The following LRRC37A2 variants were observed in gnomAD, a reference collection of about 807,000 sequenced individuals.
LRRC37A2 encodes the protein leucine-rich repeat-containing protein 37A2.
In LRRC37A2, 9 loss-of-function variants were observed where a neutral mutation model predicts 68.8. That is an observed-to-expected ratio of 0.13 (90% confidence interval 0.08 to 0.23). LRRC37A2 has a LOEUF of 0.23. Ranked by LOEUF, LRRC37A2 falls within the 10% of genes least tolerant of loss-of-function variation. The pLI is 1.00. For missense variants in LRRC37A2, 168 were observed against 950.4 expected, an observed-to-expected ratio of 0.18 and a Z score of 10.82; for synonymous variants, 63 against 367.6, an observed-to-expected ratio of 0.17 and a Z score of 9.48.
chr17:46,610,029 C>CTTTT, the LRRC37A2 span, among the ~76,000 whole-genome samples: 1 of 88,984 alleles, frequency 1.1e-5, no homozygotes, highest in East Asian at 2.3e-4. Flanking sequence ...TTCTTTCTTT[C>CTTTT]TCTCTCTCTC....
the LRRC37A2 span, chr17:46,833,542 C>T: frequency 4.9e-6 from 2 of 410,388 alleles, no homozygotes; most frequent in East Asian, 1.4e-4. Flanking sequence ...CTGCTGGAGG[C>T]CGACCTGAGC....
At chr17:46,740,241 A>G in the LRRC37A2 span, among the ~76,000 whole-genome samples, 2 of 152,168 alleles carry the variant, frequency 1.3e-5, no homozygotes, top group African/African-American at 4.8e-5. Flanking sequence ...TAGTAAATTC[A>G]TGTTCTGGAA....
At chr17:46,943,836 G>A in the LRRC37A2 span, among the ~76,000 whole-genome samples, 20 of 152,252 alleles carry the variant, frequency 1.3e-4, no homozygotes, top group African/African-American at 4.6e-4. Context: ...TCAGGACTGG[G>A]GAGAGAGAAG....
the LRRC37A2 span, among the ~76,000 whole-genome samples, chr17:46,727,186 T>C: frequency 6.6e-6 from 1 of 152,168 alleles, no homozygotes; most frequent in African/African-American, 2.4e-5. Context: ...GTATAGTAAT[T>C]TTTAAAATAT....
the LRRC37A2 span, among the ~76,000 whole-genome samples, chr17:46,798,935 C>T: frequency 1.3e-5 from 2 of 151,204 alleles, no homozygotes; most frequent in Non-Finnish European, 2.9e-5. Context: ...GTAGTCCCAG[C>T]TACTTAGGAG....
chr17:46,816,094 A>G, the LRRC37A2 span, among the ~76,000 whole-genome samples: 1 of 107,726 alleles, frequency 9.3e-6, no homozygotes, highest in Non-Finnish European at 2.0e-5. Flanking sequence ...CACTGTCATG[A>G]AGGCATGCGC....
chr17:46,901,803 A>ATTTTT, the LRRC37A2 span, among the ~76,000 whole-genome samples: 1,960 of 128,122 alleles, frequency 0.015, 113 homozygotes, highest in African/African-American at 0.061. Context: ...TGGAGCAAGA[A>ATTTTT]TTTTTTTTTT....
chr17:46,806,136 GAGCTCCTTAC>G, the LRRC37A2 span, among the ~76,000 whole-genome samples: 1 of 151,838 alleles, frequency 6.6e-6, no homozygotes, highest in Non-Finnish European at 1.5e-5. Flanking sequence ...ACTTGCTTCC[GAGCTCCTTAC>G]AGCTCCTGGT....
chr17:46,980,976 A>G, the LRRC37A2 span, among the ~76,000 whole-genome samples: 2 of 152,216 alleles, frequency 1.3e-5, no homozygotes, highest in African/African-American at 2.4e-5. Context: ...TGTTATCATT[A>G]TTTTAAAAGT....
At chr17:46,902,522 T>C in the LRRC37A2 span, among the ~76,000 whole-genome samples, 1 of 151,586 alleles carries the variant, frequency 6.6e-6, no homozygotes, top group African/African-American at 2.4e-5. Flanking sequence ...CAAAATGCTA[T>C]GGCAGGAAGT....
chr17:46,494,983 C>T, the LRRC37A2 span, among the ~76,000 whole-genome samples: 1 of 150,356 alleles, frequency 6.7e-6, no homozygotes, highest in Non-Finnish European at 1.5e-5. Flanking sequence ...ACCTGCTTCC[C>T]AGCCCCCGGT....
the LRRC37A2 span, among the ~76,000 whole-genome samples, chr17:46,979,550 C>T: frequency 0.017 from 2,565 of 152,286 alleles, 30 homozygotes; most frequent in Middle Eastern, 0.061. Context: ...CCGGAATCTG[C>T]CCTGACTCTC....
At chr17:46,951,549 A>G in the LRRC37A2 span, among the ~76,000 whole-genome samples, 6 of 152,068 alleles carry the variant, frequency 3.9e-5, no homozygotes, top group South Asian at 1.0e-3. Context: ...CCATATAATC[A>G]CCTGCTAATT....
At chr17:46,767,682 G>C in the LRRC37A2 span, among the ~76,000 whole-genome samples, 1 of 152,220 alleles carries the variant, frequency 6.6e-6, no homozygotes, top group Admixed American at 6.5e-5. Flanking sequence ...ATGACAGCTA[G>C]CAGCTATGCA....
the LRRC37A2 span, among the ~76,000 whole-genome samples, chr17:46,575,421 C>T: frequency 6.6e-6 from 1 of 151,616 alleles, no homozygotes; most frequent in Non-Finnish European, 1.5e-5. Flanking sequence ...GCACTGGGAG[C>T]GTACTTGGTG....
chr17:46,707,336 C>G, the LRRC37A2 span, among the ~76,000 whole-genome samples: 1 of 152,154 alleles, frequency 6.6e-6, no homozygotes, highest in Non-Finnish European at 1.5e-5. Flanking sequence ...TTGATTGATA[C>G]AAGTTCTTTA....
the LRRC37A2 span, among the ~76,000 whole-genome samples, chr17:46,799,046 CAAAAA>C: frequency 1.1e-5 from 1 of 93,276 alleles, no homozygotes; most frequent in Non-Finnish European, 2.1e-5. Context: ...GACTCCGTCT[CAAAAA>C]AAAAAAAAAA....
the LRRC37A2 span, among the ~76,000 whole-genome samples, chr17:46,929,106 G>T: frequency 6.6e-6 from 1 of 152,112 alleles, no homozygotes; most frequent in Non-Finnish European, 1.5e-5. Context: ...ACTCTTCCTG[G>T]TACAGGCCAG....
At chr17:47,037,998 T>A in the LRRC37A2 span, among the ~76,000 whole-genome samples, 26 of 127,686 alleles carry the variant, frequency 2.0e-4, no homozygotes, top group African/African-American at 6.0e-4. Context: ...CATTTCTAAT[T>A]TTAATAATTT....
Sources: gnomAD v4.1 joint callset for allele counts (sites outside exome capture counted in the v4.1 genomes callset) on GRCh38, gnomAD v4.1.1 for gene constraint, MANE v1.5 for transcripts, NCBI Gene and HGNC (gene_info 2026-07-23, HGNC 2026-07-21) for gene names.